AGFG2: variants seen among roughly 807,000 people sequenced by gnomAD.
AGFG2 encodes the protein ArfGAP with FG repeats 2.
Under a neutral mutation model 48.0 loss-of-function variants are expected in AGFG2, and 31 were observed. The ratio of observed to expected loss-of-function variants is 0.65; its 90% CI spans 0.49 to 0.87. The LOEUF is 0.87. Among genes scored for constraint, AGFG2 ranks in the 40% least tolerant of loss-of-function variants. The probability of loss-of-function intolerance (pLI) is 0.00; values close to 1 mark genes in which losing one functional copy is unlikely to be tolerated. For missense variants in AGFG2, 599 were observed against 632.6 expected (o/e 0.95, Z 0.57); for synonymous variants, 229 against 260.8 (o/e 0.88, Z 1.18).
chr7:100,564,122 T>C, intron 10 of AGFG2, 96 bp from the exon 11 acceptor site: 2 of 1,535,946 alleles, frequency 1.3e-6, no homozygotes, highest in South Asian at 1.2e-5. Context: ...TCCACTGCTC[T>C]GTTCCCTTAC....
chr7:100,556,535 T>A (rs896880557), intron 6 of AGFG2: 2 of 1,266,782 alleles, frequency 1.6e-6, no homozygotes, highest in South Asian at 1.3e-5. Flanking sequence ...GCCAGTGACA[T>A]ACACTCTTTC....
chr7:100,552,242 C>T (rs1800662669), intron 3 of AGFG2, among the ~76,000 whole-genome samples: 1 of 150,870 alleles, frequency 6.6e-6, no homozygotes, highest in African/African-American at 2.4e-5. Flanking sequence ...GAAACTCCGT[C>T]TCAAAAAAAA....
intron 1 of AGFG2, among the ~76,000 whole-genome samples, chr7:100,543,827 C>T (rs1422714137): frequency 2.0e-5 from 3 of 152,178 alleles, no homozygotes; most frequent in South Asian, 2.1e-4. Flanking sequence ...TACATACATA[C>T]TGCCACAATT....
At position 100,562,829 on chromosome 7, in the gene AGFG2, C is replaced by G. The variant is rs1800907522; in HGVS notation, c.1088-34C>G. 3.1e-6 allele frequency: 5 copies of G among 1,610,812 alleles called. No homozygotes were observed. In the South Asian group the frequency reaches 3.3e-5, roughly 11 times the overall value. ...CGTGAGAAAAAAAGTAACCATCTCT[C>G]TCTTTCCTGCCGCTCCCCATTCCAC... On this transcript the variant is annotated intron_variant, in intron 8 of 11. Coordinates refer to ENST00000300176, the MANE Select transcript of AGFG2 (RefSeq NM_006076.5). The surrounding 1 kb of genome is among the most constrained non-coding windows in gnomAD (Gnocchi z 5.4).
intron 3 of AGFG2, among the ~76,000 whole-genome samples, chr7:100,552,355 G>A (rs2406243): frequency 0.088 from 13,372 of 152,194 alleles, 702 homozygotes; most frequent in African/African-American, 0.14. Flanking sequence ...AAAGTATATT[G>A]GAGGATATAC....
chr7:100,561,763 G>A (rs551315161), intron 6 of AGFG2, among the ~76,000 whole-genome samples: 2 of 152,372 alleles, frequency 1.3e-5, no homozygotes, highest in African/African-American at 4.8e-5. Flanking sequence ...GAGAAGCAGC[G>A]GCTAAATGGG....
chr7:100,545,522 A>C (rs1404112450), intron 1 of AGFG2, among the ~76,000 whole-genome samples: 1 of 152,202 alleles, frequency 6.6e-6, no homozygotes, highest in Non-Finnish European at 1.5e-5. Context: ...AAGAAACTGA[A>C]GTGGATAAAG....
intron 6 of AGFG2, among the ~76,000 whole-genome samples, chr7:100,557,677 C>T (rs945725790): frequency 6.6e-6 from 1 of 152,042 alleles, no homozygotes; most frequent in Non-Finnish European, 1.5e-5. Context: ...TCAAGTGATC[C>T]GCCTGCCTTG....
intron 3 of AGFG2, among the ~76,000 whole-genome samples, chr7:100,551,057 TATATATATA>T (rs1478393013): frequency 8.8e-5 from 10 of 113,630 alleles, no homozygotes; most frequent in African/African-American, 3.3e-4. Flanking sequence ...TATATATATA[TATATATATA>T]TTTCTTTTTT....
At chr7:100,552,012 G>C (rs1167744786) in intron 3 of AGFG2, among the ~76,000 whole-genome samples, 2 of 151,684 alleles carry the variant, frequency 1.3e-5, no homozygotes, top group African/African-American at 4.8e-5. Flanking sequence ...GGGAGACCGA[G>C]GCGGGTGGAT....
At chr7:100,550,795 T>A (rs1467186249) in intron 3 of AGFG2, among the ~76,000 whole-genome samples, 1 of 151,692 alleles carries the variant, frequency 6.6e-6, no homozygotes, top group Non-Finnish European at 1.5e-5. Context: ...CAGCTGATCT[T>A]ATGTATGGGG....
intron 6 of AGFG2, among the ~76,000 whole-genome samples, chr7:100,561,124 T>TC (rs1336365412): frequency 3.6e-5 from 5 of 139,556 alleles, no homozygotes; most frequent in African/African-American, 1.1e-4. Context: ...TGGCCAGATC[T>TC]CCCTTTTTTT....
chr7:100,552,552 C>G (rs572796348), intron 3 of AGFG2, among the ~76,000 whole-genome samples: 1 of 152,328 alleles, frequency 6.6e-6, no homozygotes, highest in South Asian at 2.1e-4. Flanking sequence ...CCTGGTATCA[C>G]TTCTTGTGGG....
At chr7:100,543,161 T>A (rs563094410) in intron 1 of AGFG2, among the ~76,000 whole-genome samples, 2 of 152,318 alleles carry the variant, frequency 1.3e-5, no homozygotes, top group South Asian at 4.1e-4. Flanking sequence ...CCTCCTGGTT[T>A]CAAGCGATTC....
At chr7:100,558,202 G>A (rs369001339) in intron 6 of AGFG2, among the ~76,000 whole-genome samples, 3 of 152,282 alleles carry the variant, frequency 2.0e-5, no homozygotes, top group African/African-American at 7.2e-5. Flanking sequence ...CGACAAGAGC[G>A]AGACTTTGTC....
At chr7:100,554,054 T>C in intron 4 of AGFG2, 39 bp from the exon 5 acceptor site, 1 of 1,585,776 alleles carries the variant, frequency 6.3e-7, no homozygotes, top group South Asian at 1.1e-5. Flanking sequence ...GGGGCATGTC[T>C]GGGATTCTAA....
intron 11 of AGFG2, 150 bp downstream of exon 11, chr7:100,564,453 C>G: frequency 1.3e-6 from 1 of 762,838 alleles, no homozygotes; most frequent in South Asian, 1.8e-5. Flanking sequence ...TGGGCCTCAG[C>G]TCTTCTGGGC....
At chr7:100,554,601 C>T (rs965168984) in intron 5 of AGFG2, among the ~76,000 whole-genome samples, 9 of 152,048 alleles carry the variant, frequency 5.9e-5, no homozygotes, top group Non-Finnish European at 1.2e-4. Context: ...TCAGCAATAG[C>T]CAGTAGAGGG....
At chr7:100,546,038 G>T (rs1210819211) in intron 1 of AGFG2, among the ~76,000 whole-genome samples, 2 of 152,084 alleles carry the variant, frequency 1.3e-5, no homozygotes, top group East Asian at 3.9e-4. Flanking sequence ...AGACATCAAG[G>T]TCAGAGCAAT....
Sources: gnomAD v4.1 joint callset for allele counts (sites outside exome capture counted in the v4.1 genomes callset) on GRCh38, gnomAD v4.1.1 for gene constraint, Gnocchi (gnomAD v3.1) non-coding constraint, MANE v1.5 for transcripts, NCBI Gene and HGNC (gene_info 2026-07-23, HGNC 2026-07-21) for gene names.